PTTG1IP2: variants seen among roughly 807,000 people sequenced by gnomAD.
PTTG1IP2 encodes the protein PTTG1IP family member 2.
chr7:90,500,793 C>A (rs1028341723), intron 6 of PTTG1IP2, among the ~76,000 whole-genome samples: 2 of 152,154 alleles, frequency 1.3e-5, no homozygotes, highest in African/African-American at 4.8e-5. Flanking sequence ...TTGGCTAGGG[C>A]AATTTCCAAA....
intron 6 of PTTG1IP2, among the ~76,000 whole-genome samples, chr7:90,504,999 A>G (rs1474711096): frequency 1.3e-5 from 2 of 152,186 alleles, no homozygotes; most frequent in African/African-American, 4.8e-5. Context: ...ATATCATAAG[A>G]CTTAGCTAAT....
At chr7:90,503,254 G>A (rs1276963913) in intron 6 of PTTG1IP2, among the ~76,000 whole-genome samples, 1 of 152,184 alleles carries the variant, frequency 6.6e-6, no homozygotes, top group African/African-American at 2.4e-5. Flanking sequence ...TTAGGGCCTT[G>A]TCTGTGTTAG....
chr7:90,471,288 T>C (rs1797684094), intron 1 of PTTG1IP2, among the ~76,000 whole-genome samples: 2 of 152,200 alleles, frequency 1.3e-5, no homozygotes. Context: ...CTCATCTATG[T>C]CCCAGATTGT....
intron 6 of PTTG1IP2, among the ~76,000 whole-genome samples, chr7:90,505,828 C>CA (rs1289618587): frequency 1.3e-5 from 2 of 151,410 alleles, no homozygotes; most frequent in East Asian, 1.9e-4. Context: ...ACTAAAAATA[C>CA]AAAAAATTAG....
intron 1 of PTTG1IP2, among the ~76,000 whole-genome samples, chr7:90,476,287 A>G (rs1797747163): frequency 6.6e-6 from 1 of 152,216 alleles, no homozygotes; most frequent in African/African-American, 2.4e-5. Flanking sequence ...TTTAATAGTA[A>G]TTAAAATTCC....
intron 6 of PTTG1IP2, among the ~76,000 whole-genome samples, chr7:90,506,155 A>G (rs938863717): frequency 3.3e-5 from 5 of 152,136 alleles, no homozygotes; most frequent in Admixed American, 6.5e-5. Flanking sequence ...TAGGACTTTC[A>G]TAATGAGGGA....
At chr7:90,502,958 T>C (rs1798076359) in intron 6 of PTTG1IP2, among the ~76,000 whole-genome samples, 1 of 152,222 alleles carries the variant, frequency 6.6e-6, no homozygotes, top group African/African-American at 2.4e-5. Context: ...ATTGACTTTT[T>C]CCTTTCTGGC....
chr7:90,504,657 A>G (rs1798105144), intron 6 of PTTG1IP2, among the ~76,000 whole-genome samples: 1 of 152,216 alleles, frequency 6.6e-6, no homozygotes, highest in African/African-American at 2.4e-5. Context: ...ATGATCAGAA[A>G]GATCACTGAA....
chr7:90,473,908 G>T (rs1797718062), intron 1 of PTTG1IP2, among the ~76,000 whole-genome samples: 1 of 152,212 alleles, frequency 6.6e-6, no homozygotes, highest in Non-Finnish European at 1.5e-5. Flanking sequence ...GTAAATGGTT[G>T]TTGTGAGGAT....
intron 6 of PTTG1IP2, among the ~76,000 whole-genome samples, chr7:90,498,903 G>T (rs1798028879): frequency 6.6e-6 from 1 of 151,992 alleles, no homozygotes; most frequent in African/African-American, 2.4e-5. Flanking sequence ...CCAGGCTGGG[G>T]TGCAGTGGCA....
chr7:90,504,466 T>C (rs1390638661), intron 6 of PTTG1IP2, among the ~76,000 whole-genome samples: 1 of 152,212 alleles, frequency 6.6e-6, no homozygotes, highest in Non-Finnish European at 1.5e-5. Context: ...TAGTAAATAT[T>C]TTAGGCTTTT....
At chr7:90,498,952 A>G (rs931127928) in intron 6 of PTTG1IP2, among the ~76,000 whole-genome samples, 2 of 152,136 alleles carry the variant, frequency 1.3e-5, no homozygotes, top group African/African-American at 2.4e-5. Context: ...CCTGGGCTCA[A>G]TTGATCCTCT....
At chr7:90,504,313 G>C (rs4728899) in intron 6 of PTTG1IP2, among the ~76,000 whole-genome samples, 151,649 of 151,656 alleles carry the variant, frequency 1, 75,821 homozygotes, top group Middle Eastern at 1. Flanking sequence ...GAGACTCCAT[G>C]TCAAGAGAAA....
intron 6 of PTTG1IP2, among the ~76,000 whole-genome samples, chr7:90,503,531 A>G (rs1295128571): frequency 6.6e-6 from 1 of 152,140 alleles, no homozygotes; most frequent in African/African-American, 2.4e-5. Flanking sequence ...AAAGTGAGAG[A>G]TGTGCAACTC....
chr7:90,485,358 T>C (rs1797862001), intron 2 of PTTG1IP2, among the ~76,000 whole-genome samples: 1 of 152,196 alleles, frequency 6.6e-6, no homozygotes, highest in Non-Finnish European at 1.5e-5. Flanking sequence ...TATCAGCTAC[T>C]GCCCCCAGCT....
chr7:90,474,442 C>T (rs1797724623), intron 1 of PTTG1IP2, among the ~76,000 whole-genome samples: 1 of 152,160 alleles, frequency 6.6e-6, no homozygotes, highest in South Asian at 2.1e-4. Context: ...TGGAGAAAGC[C>T]ACAGCCTAAA....
chr7:90,490,486 A>T (rs536496848), intron 4 of PTTG1IP2, among the ~76,000 whole-genome samples: 6 of 150,144 alleles, frequency 4.0e-5, no homozygotes, highest in Non-Finnish European at 1.5e-5. Context: ...TTGCTTGTTT[A>T]GGACCTCAAC....
intron 2 of PTTG1IP2, among the ~76,000 whole-genome samples, chr7:90,484,925 G>A (rs2116068412): frequency 6.6e-6 from 1 of 152,312 alleles, no homozygotes; most frequent in Non-Finnish European, 1.5e-5. Context: ...GGGGCTGACT[G>A]CCAGCAGATC....
At chr7:90,471,669 G>A (rs1797689186) in intron 1 of PTTG1IP2, among the ~76,000 whole-genome samples, 1 of 152,210 alleles carries the variant, frequency 6.6e-6, no homozygotes, top group South Asian at 2.1e-4. Flanking sequence ...CTCTCCCTTA[G>A]AGGTAACTAG....
Sources: allele counts gnomAD v4.1 joint callset (sites outside exome capture counted in the v4.1 genomes callset), GRCh38; gene constraint gnomAD v4.1.1; transcripts MANE v1.5; gene names NCBI Gene and HGNC (gene_info 2026-07-23, HGNC 2026-07-21).